The following DENND1A variants were observed in gnomAD, a reference collection of about 807,000 sequenced individuals.
DENND1A encodes DENN domain containing 1A.
Under a neutral mutation model 113.7 loss-of-function variants are expected in DENND1A, and 51 were observed. That is an observed-to-expected ratio of 0.45 (90% CI 0.36 to 0.57). The LOEUF (loss-of-function observed/expected upper bound fraction) is 0.57. Among genes scored for constraint, DENND1A ranks in the 20% least tolerant of loss-of-function variants. The pLI is 0.00. For synonymous variants in DENND1A, 565 were observed against 570.8 expected (o/e 0.99, Z 0.14); for missense variants, 1,258 against 1,395.9 (o/e 0.90, Z 1.57).
intron 1 of DENND1A, among the ~76,000 whole-genome samples, chr9:123,911,366 A>C (rs1052783113): frequency 3.9e-5 from 6 of 152,370 alleles, no homozygotes; most frequent in Middle Eastern, 3.4e-3. Flanking sequence ...GTCAGAATCT[A>C]CTAAAGCTAA....
chr9:123,433,356 AG>A (rs1427920216), intron 19 of DENND1A, among the ~76,000 whole-genome samples: 1 of 152,238 alleles, frequency 6.6e-6, no homozygotes, highest in African/African-American at 2.4e-5. Flanking sequence ...GCCTTTCAGC[AG>A]GTACATCTTG....
chr9:123,862,588 T>C (rs568289288), intron 2 of DENND1A, among the ~76,000 whole-genome samples: 74 of 152,324 alleles, frequency 4.9e-4, no homozygotes, highest in Non-Finnish European at 9.3e-4. Context: ...ACATTTTTGA[T>C]CTCAGAAAAT....
chr9:123,911,688 ATT>A (rs369915046), intron 1 of DENND1A, among the ~76,000 whole-genome samples: 5 of 144,124 alleles, frequency 3.5e-5, no homozygotes, highest in African/African-American at 5.5e-5. Flanking sequence ...CAGAATAGTG[ATT>A]TTTTTTTTCT....
intron 1 of DENND1A, among the ~76,000 whole-genome samples, chr9:123,894,883 T>G (rs1163249037): frequency 2.0e-5 from 3 of 152,128 alleles, no homozygotes; most frequent in Non-Finnish European, 2.9e-5. Context: ...GAGGTGAAAC[T>G]TGATTGTTCA....
chr9:123,413,492 C>G, intron 19 of DENND1A: 1 of 985,428 alleles, frequency 1.0e-6, no homozygotes, highest in Non-Finnish European at 1.2e-6. Flanking sequence ...TTTTCTGAAC[C>G]TGCCCCACTA....
At chr9:123,442,354 C>T (rs1227015985) in intron 18 of DENND1A, among the ~76,000 whole-genome samples, 1 of 152,042 alleles carries the variant, frequency 6.6e-6, no homozygotes, top group African/African-American at 2.4e-5. Flanking sequence ...AAGAGGCTGT[C>T]GATGGCCAAA....
intron 13 of DENND1A, among the ~76,000 whole-genome samples, chr9:123,485,946 G>A (rs1239905239): frequency 3.3e-5 from 5 of 152,076 alleles, no homozygotes; most frequent in South Asian, 4.1e-4. Context: ...CCATCTCCCT[G>A]GCCCATGGGC....
intron 21 of DENND1A, among the ~76,000 whole-genome samples, chr9:123,393,738 A>T (rs145715421): frequency 6.6e-6 from 1 of 152,312 alleles, no homozygotes; most frequent in East Asian, 1.9e-4. Context: ...CTGTAAACTC[A>T]GTTGCAGGTG....
chr9:123,456,338 G>A (rs929619830), intron 15 of DENND1A, among the ~76,000 whole-genome samples: 3 of 152,192 alleles, frequency 2.0e-5, no homozygotes, highest in Non-Finnish European at 4.4e-5. Context: ...TTTTGCCTTC[G>A]CTGCCAAAGA....
intron 1 of DENND1A, among the ~76,000 whole-genome samples, chr9:123,919,961 G>A (rs930183326): frequency 6.6e-6 from 1 of 151,986 alleles, no homozygotes; most frequent in African/African-American, 2.4e-5. Context: ...AGAGAGCAGG[G>A]GAGGGAGTTA....
At chr9:123,524,423 C>G (rs1287257053) in intron 13 of DENND1A, among the ~76,000 whole-genome samples, 2 of 152,194 alleles carry the variant, frequency 1.3e-5, no homozygotes, top group Non-Finnish European at 2.9e-5. Context: ...AACGCAAAAG[C>G]CTTCATGGGT....
intron 13 of DENND1A, among the ~76,000 whole-genome samples, chr9:123,524,511 C>T (rs1431746212): frequency 6.6e-6 from 1 of 152,082 alleles, no homozygotes; most frequent in Non-Finnish European, 1.5e-5. Context: ...TGAGCCATGC[C>T]CTGTCTCCAA....
intron 10 of DENND1A, among the ~76,000 whole-genome samples, chr9:123,616,407 A>G (rs919114334): frequency 1.3e-5 from 2 of 152,216 alleles, no homozygotes; most frequent in African/African-American, 4.8e-5. Flanking sequence ...AATTATAGCT[A>G]AAAAAGTAAA....
At chr9:123,609,882 G>C (rs1235600237) in intron 10 of DENND1A, among the ~76,000 whole-genome samples, 1 of 152,204 alleles carries the variant, frequency 6.6e-6, no homozygotes, top group Non-Finnish European at 1.5e-5. Flanking sequence ...TTATTGCCAT[G>C]ATTACAACAG....
intron 19 of DENND1A, chr9:123,440,139 C>A (rs534010924): frequency 1.8e-4 from 86 of 480,280 alleles, no homozygotes; most frequent in Non-Finnish European, 3.1e-4. Context: ...AACAGTCCCG[C>A]TCATTTATGA....
intron 2 of DENND1A, among the ~76,000 whole-genome samples, chr9:123,838,491 G>A (rs1327062440): frequency 6.6e-6 from 1 of 152,084 alleles, no homozygotes; most frequent in Non-Finnish European, 1.5e-5. Context: ...TACTTGAGGA[G>A]CAATTGCAGA....
At chr9:123,561,084 T>A (rs1589140985) in intron 12 of DENND1A, among the ~76,000 whole-genome samples, 1 of 152,314 alleles carries the variant, frequency 6.6e-6, no homozygotes, top group Middle Eastern at 3.4e-3. Context: ...GACATTTCCA[T>A]CCTTTGAAAT....
chr9:123,520,973 T>A (rs2054345693), intron 13 of DENND1A, among the ~76,000 whole-genome samples: 1 of 152,208 alleles, frequency 6.6e-6, no homozygotes, highest in African/African-American at 2.4e-5. Context: ...CTTTTTACTG[T>A]ACAAACTACA....
rs146070432 is a variant in DENND1A at position 123,382,470 on chromosome 9, G to A, written c.2175C>T (p.Leu725=). Residue 725 remains leucine (L), a synonymous_variant, in exon 24 of 24, where the codon CTC becomes CTT. Coordinates refer to ENST00000394215, the MANE Select transcript of DENND1A (RefSeq NM_001352964.2). ...TTCGAGGCAGGGCCAGGGAGTTTCC[G>A]AGCAGGGCTGAGGGCTTCTCAGGGG... ...AASPEKPSAL[L]GNSLALPRRP... is the part of the protein sequence containing the mutation. 68 of 1,613,450 alleles carry A rather than the reference G, an allele frequency of 4.2e-5. No homozygotes were observed. Among genetic ancestry groups the A allele is most frequent in the Middle Eastern group, 1.6e-4 (1 of 6,082 alleles).
Sources: gnomAD v4.1 joint callset for allele counts (sites outside exome capture counted in the v4.1 genomes callset) on GRCh38, gnomAD v4.1.1 for gene constraint, MANE v1.5 for transcripts, NCBI Gene and HGNC (gene_info 2026-07-23, HGNC 2026-07-21) for gene names.